DGKZ: variants seen among roughly 807,000 people sequenced by gnomAD.
DGKZ encodes DAG kinase zeta.
Under a neutral mutation model 142.5 loss-of-function variants are expected in DGKZ, and 45 were observed. That is an observed-to-expected ratio of 0.32 (90% CI 0.25 to 0.40). The LOEUF is 0.40. Ranked by LOEUF, DGKZ falls within the 10% of genes least tolerant of loss-of-function variation. The pLI is 1.00. For synonymous variants in DGKZ, 442 were observed against 527.0 expected (o/e 0.84, Z 2.21); for missense variants, 755 against 1,306.5 (o/e 0.58, Z 6.51).
At chr11:46,335,898 C>T (rs1457984372) in intron 1 of DGKZ, among the ~76,000 whole-genome samples, 2 of 152,206 alleles carry the variant, frequency 1.3e-5, no homozygotes, top group Non-Finnish European at 2.9e-5. Context: ...GGCAGGGGGA[C>T]TGGGGGACCG....
chr11:46,375,563 C>T (rs955296688), exon 20 of DGKZ: 14 of 1,591,476 alleles, frequency 8.8e-6, no homozygotes, highest in African/African-American at 5.4e-5. Context: ...GCATCCGCAT[C>T]GCCCTGCGCA....
At chr11:46,377,426 C>G (rs1944677442) in intron 25 of DGKZ, 1 of 884,504 alleles carries the variant, frequency 1.1e-6, no homozygotes, top group East Asian at 3.1e-5. Flanking sequence ...TCTCCCTCCT[C>G]TGGACCTCAT....
Position 46,367,428 on chromosome 11 carries a change from G to A in DGKZ, c.270+29G>A. 6.2e-7 allele frequency: 1 copy of A among 1,606,726 alleles called. No homozygotes were observed. The highest frequency in any genetic ancestry group is 8.5e-7 in the Non-Finnish European group (1 of 1,175,004). ...AGTGCCTGAACACCCCTGGGTCCCA[G>A]ACCCTCTGGGCTCTTGGCCAAGGCG... On this transcript the variant is annotated intron_variant, in intron 2 of 30. Coordinates refer to ENST00000527911, the Ensembl canonical transcript of DGKZ. The surrounding 1 kb of genome is among the most constrained non-coding windows in gnomAD (Gnocchi z 4.1).
In DGKZ at chr11:46,347,820, G is replaced by A; in HGVS notation, c.161G>A (p.Arg54Lys). The change falls in exon 1 of 31, where the codon AGG (arginine) becomes AAG (lysine). Residue 54 changes from arginine (R) to lysine (K), a missense_variant and splice_region_variant. Arg to Lys is a conservative substitution (Grantham distance 26). This residue lies in a region of DGKZ where 81 missense variants were observed against 86.5 expected (regional missense o/e 0.94). Transcript: ENST00000527911. The surrounding 1 kb of genome is among the most constrained non-coding windows in gnomAD (Gnocchi z 6.4). The stretch of plus-strand genomic sequence containing the variant: ...CCGGGGCTGCGGCTCTTCGGGCACA[G>A]GTGAGCGGGGCGGCGGCGGGGCAGG... 1 of 1,294,054 alleles carries A rather than the reference G, an allele frequency of 7.7e-7. No homozygotes were observed. The highest frequency in any genetic ancestry group is 9.8e-7 in the Non-Finnish European group (1 of 1,018,192). The allele number at this position is 1,294,054 out of a possible 1,614,324, so 80.2% of individuals were successfully genotyped here. A position where few individuals can be genotyped will look rare whatever the true frequency, so the allele number is the denominator to read the frequency against.
exon 1 of DGKZ, chr11:46,333,454 G>T (rs1169847883): frequency 6.5e-7 from 1 of 1,536,160 alleles, no homozygotes; most frequent in South Asian, 1.2e-5. Flanking sequence ...GAGCGTTTCC[G>T]CCAGCTGCAC....
At chr11:46,345,347 G>GA, upstream of DGKZ, 2 of 1,388,990 alleles carry the variant, frequency 1.4e-6, no homozygotes, top group Non-Finnish European at 1.9e-6. The surrounding 1 kb of genome is among the most constrained non-coding windows in gnomAD (Gnocchi z 4.1). Flanking sequence ...CCTCTAGCAG[G>GA]CCCCCCCCTC....
chr11:46,379,143 GC>G (rs1290622844), intron 28 of DGKZ, 32 bp downstream of exon 28: 1 of 1,611,360 alleles, frequency 6.2e-7, no homozygotes, highest in South Asian at 1.1e-5. Flanking sequence ...AGGGCCTGGG[GC>G]CAAGGTGGGA....
intron 25 of DGKZ, chr11:46,377,875 C>T: frequency 5.2e-6 from 2 of 387,648 alleles, no homozygotes; most frequent in South Asian, 2.8e-5. Context: ...TTGGCTGTTT[C>T]CTCCTTGGAG....
At chr11:46,357,486 G>A (rs1334866561) in intron 1 of DGKZ, among the ~76,000 whole-genome samples, 1 of 152,234 alleles carries the variant, frequency 6.6e-6, no homozygotes, top group East Asian at 1.9e-4. Context: ...GCCTGAGCCA[G>A]CTGGAGCCTG....
chr11:46,375,713 G>A (rs1205064891), intron 20 of DGKZ, 82 bp downstream of exon 20: 3 of 1,509,830 alleles, frequency 2.0e-6, no homozygotes, highest in Non-Finnish European at 2.7e-6. Context: ...ATCTGTAAAA[G>A]GGGCTGACTG....
intron 1 of DGKZ, among the ~76,000 whole-genome samples, chr11:46,339,480 T>G (rs1205028884): frequency 6.6e-6 from 1 of 152,212 alleles, no homozygotes; most frequent in Non-Finnish European, 1.5e-5. Context: ...CTCAGGGACC[T>G]GCAGTTCTTG....
intron 1 of DGKZ, among the ~76,000 whole-genome samples, chr11:46,351,475 T>C: frequency 6.6e-6 from 1 of 152,084 alleles, no homozygotes; most frequent in East Asian, 1.9e-4. Context: ...CTGCAGAGGG[T>C]GCCCAGCGGG....
chr11:46,378,770 G>A, intron 27 of DGKZ: 3 of 887,710 alleles, frequency 3.4e-6, no homozygotes, highest in Non-Finnish European at 5.4e-6. Context: ...CTGCTCCAGG[G>A]CTTGGTCACC....
chr11:46,372,266 T>C lies in DGKZ; in HGVS notation c.927+96T>C, dbSNP rs1944027036. 7.3e-7 allele frequency: 1 copy of C among 1,367,532 alleles called. No homozygotes were observed. Among genetic ancestry groups the C allele is most frequent in the Non-Finnish European group, 1.0e-6 (1 of 994,840 alleles). The allele number at this position is 1,367,532 out of a possible 1,614,324, so 84.7% of individuals were successfully genotyped here. A position where few individuals can be genotyped will look rare whatever the true frequency, so the allele number is the denominator to read the frequency against. On this transcript the variant is annotated intron_variant, in intron 10 of 30. Transcript: ENST00000527911. This position sits in a 1 kb window ranked among gnomAD's most constrained non-coding sequence, Gnocchi z 5.9. The stretch of plus-strand genomic sequence containing the variant: ...GTTCCCAGAGCCCGTTTCTGGCTTC[T>C]ACCCCAATCCCTCTTTCCCAGGGAT...
At chr11:46,349,895 G>GA (rs142333226) in intron 1 of DGKZ, among the ~76,000 whole-genome samples, 5,384 of 152,260 alleles carry the variant, frequency 0.035, 338 homozygotes, top group African/African-American at 0.12. Context: ...CAGATTCCTA[G>GA]ATCTTCCCTT....
intron 24 of DGKZ, chr11:46,376,813 T>G (rs1944599305): frequency 4.6e-6 from 3 of 650,810 alleles, no homozygotes. Flanking sequence ...TAGGAGGGCC[T>G]GGAAGCCCAG....
chr11:46,378,040 G>A (rs1055868816), intron 25 of DGKZ, 158 bp from the exon 26 acceptor site: 13 of 890,996 alleles, frequency 1.5e-5, no homozygotes, highest in African/African-American at 3.3e-5. Context: ...CCTCTGTCTC[G>A]TTTCCCTGCT....
At chr11:46,368,284 A>G (rs1322352687) in intron 4 of DGKZ, 1 of 663,690 alleles carries the variant, frequency 1.5e-6, no homozygotes, top group Admixed American at 2.1e-5. Flanking sequence ...ACTGCCTGGA[A>G]CAAACCTGGC....
At chr11:46,333,438 G>A (rs1423512742) in exon 1 of DGKZ, 2 of 1,534,072 alleles carry the variant, frequency 1.3e-6, no homozygotes, top group Admixed American at 2.0e-5. Context: ...TGGGCCCCCG[G>A]TGGAGGAGCG....
Sources: allele counts gnomAD v4.1 joint callset (sites outside exome capture counted in the v4.1 genomes callset), GRCh38; gene constraint gnomAD v4.1.1; regional missense constraint gnomAD v4.1.1; non-coding constraint Gnocchi (gnomAD v3.1); transcripts MANE v1.5; gene names NCBI Gene and HGNC (gene_info 2026-07-23, HGNC 2026-07-21).